GRID2: variants seen among roughly 807,000 people sequenced by gnomAD.
GRID2 encodes the protein glutamate receptor ionotropic, delta-2.
A neutral mutation model predicts 114.8 loss-of-function variants in GRID2; 33 were observed. That is an observed-to-expected ratio of 0.29 (90% CI 0.22 to 0.38). The LOEUF is 0.38. Ranked by LOEUF, GRID2 falls within the 10% of genes least tolerant of loss-of-function variation. GRID2 has a pLI of 1.00. For synonymous variants in GRID2, 505 were observed against 449.9 expected, an observed-to-expected ratio of 1.12 and a Z score of -1.55; for missense variants, 1,184 against 1,257.7, an observed-to-expected ratio of 0.94 and a Z score of 0.89.
intron 1 of GRID2, among the ~76,000 whole-genome samples, chr4:92,490,141 T>C (rs1723083517): frequency 6.6e-6 from 1 of 152,164 alleles, no homozygotes; most frequent in African/African-American, 2.4e-5. Flanking sequence ...TTTATAGTAA[T>C]AGATGATATC....
At chr4:93,002,328 A>G (rs1306362160) in intron 2 of GRID2, among the ~76,000 whole-genome samples, 1 of 151,934 alleles carries the variant, frequency 6.6e-6, no homozygotes, top group Admixed American at 6.6e-5. Flanking sequence ...AAAATTAACC[A>G]TGATGTTCTA....
At chr4:93,673,328 A>G (rs1384568525) in intron 14 of GRID2, among the ~76,000 whole-genome samples, 1 of 152,190 alleles carries the variant, frequency 6.6e-6, no homozygotes, top group Non-Finnish European at 1.5e-5. Flanking sequence ...TGTTTTAAAA[A>G]AATTATTTTA....
intron 11 of GRID2, among the ~76,000 whole-genome samples, chr4:93,457,015 TC>T (rs905024577): frequency 6.6e-6 from 1 of 152,168 alleles, no homozygotes; most frequent in African/African-American, 2.4e-5. Context: ...AATAATTAAT[TC>T]AGTAAATATT....
intron 1 of GRID2, among the ~76,000 whole-genome samples, chr4:92,318,195 T>C (rs180791864): frequency 1.4e-4 from 21 of 151,480 alleles, no homozygotes; most frequent in African/African-American, 4.6e-4. Flanking sequence ...AAAGGGAAGG[T>C]GATGTGATGG....
chr4:92,961,465 A>ATGATATTT (rs1752805509), intron 2 of GRID2, among the ~76,000 whole-genome samples: 2 of 150,952 alleles, frequency 1.3e-5, no homozygotes, highest in Admixed American at 1.3e-4. Context: ...TTTTAGGTTG[A>ATGATATTT]TGATATTTTC....
intron 2 of GRID2, among the ~76,000 whole-genome samples, chr4:92,923,032 G>A (rs1043258228): frequency 6.6e-6 from 1 of 151,996 alleles, no homozygotes; most frequent in African/African-American, 2.4e-5. Context: ...GTTCTTTTTT[G>A]CATGTGCATT....
chr4:92,955,700 G>T (rs1402752456), intron 2 of GRID2, among the ~76,000 whole-genome samples: 1 of 152,124 alleles, frequency 6.6e-6, no homozygotes, highest in Non-Finnish European at 1.5e-5. Flanking sequence ...CCATGCCTAT[G>T]TCCTGAATGG....
chr4:92,508,661 G>A (rs1469622438), intron 1 of GRID2, among the ~76,000 whole-genome samples: 1 of 151,920 alleles, frequency 6.6e-6, no homozygotes, highest in Non-Finnish European at 1.5e-5. Flanking sequence ...GAAGAGGAAA[G>A]AAAAGTTCTA....
At chr4:93,386,725 T>A (rs1352192568) in intron 8 of GRID2, among the ~76,000 whole-genome samples, 1 of 152,020 alleles carries the variant, frequency 6.6e-6, no homozygotes, top group African/African-American at 2.4e-5. Context: ...TTTATGGACC[T>A]AAGGGCAGGA....
chr4:92,339,057 A>G (rs1727339098), intron 1 of GRID2, among the ~76,000 whole-genome samples: 1 of 152,098 alleles, frequency 6.6e-6, no homozygotes, highest in Admixed American at 6.6e-5. Context: ...ACATTATTGG[A>G]GATTTATACC....
intron 14 of GRID2, among the ~76,000 whole-genome samples, chr4:93,652,768 T>A (rs1722686829): frequency 1.1e-5 from 1 of 89,392 alleles, no homozygotes; most frequent in African/African-American, 4.3e-5. Flanking sequence ...TGAATGACAG[T>A]AAATGCAGTA....
intron 2 of GRID2, among the ~76,000 whole-genome samples, chr4:92,750,857 A>T (rs1737419529): frequency 6.6e-6 from 1 of 152,202 alleles, no homozygotes; most frequent in African/African-American, 2.4e-5. Context: ...ATACATACAT[A>T]TTTATTGGTA....
intron 2 of GRID2, among the ~76,000 whole-genome samples, chr4:92,780,933 C>T (rs1299573686): frequency 7.9e-5 from 12 of 151,970 alleles, no homozygotes; most frequent in South Asian, 2.1e-4. Flanking sequence ...GGTTTTTGAT[C>T]GTTTTCTTTT....
intron 13 of GRID2, among the ~76,000 whole-genome samples, chr4:93,539,033 C>T (rs1732391599): frequency 1.3e-5 from 2 of 151,784 alleles, no homozygotes; most frequent in African/African-American, 4.8e-5. Context: ...TATAAGAGAA[C>T]TCTGTGTTAC....
rs573262840 is a variant in GRID2, at chr4:93,107,328, A to C, written c.530-3420A>C. On this transcript the variant is annotated intron_variant, in intron 3 of 15. Coordinates refer to ENST00000282020, the MANE Select transcript of GRID2 (RefSeq NM_001510.4). ...ATAAATATAAACAAATAAATTCTTC[A>C]TTTACAGTTGAGGAGAAATTTTCAA... Among the ~76,000 whole-genome samples the C allele has an allele frequency of 2.0e-3, 297 of 152,088 alleles. 1 individual carries two copies. The highest frequency in any genetic ancestry group is 3.1e-3 in the Non-Finnish European group (211 of 67,950).
intron 1 of GRID2, among the ~76,000 whole-genome samples, chr4:92,316,008 A>G (rs1003497042): frequency 4.6e-5 from 7 of 150,748 alleles, no homozygotes; most frequent in South Asian, 2.1e-4. Flanking sequence ...AAAAAAAAAA[A>G]AAAAAAGAAA....
chr4:93,524,787 A>ATG (rs1259099740), intron 13 of GRID2, among the ~76,000 whole-genome samples: 3 of 77,706 alleles, frequency 3.9e-5, no homozygotes, highest in African/African-American at 8.8e-5. Flanking sequence ...ATGTATGTGT[A>ATG]TATATATATA....
chr4:93,239,182 A>G (rs1223136871), intron 8 of GRID2, among the ~76,000 whole-genome samples: 1 of 147,624 alleles, frequency 6.8e-6, no homozygotes, highest in South Asian at 2.1e-4. Context: ...ATATATATAT[A>G]TATAGCAAAT....
intron 2 of GRID2, among the ~76,000 whole-genome samples, chr4:93,047,013 A>G (rs34686894): frequency 0.35 from 53,636 of 151,598 alleles, 9,765 homozygotes; most frequent in Admixed American, 0.49. Flanking sequence ...TGGACACTTA[A>G]TATGATAATG....
Sources: allele counts gnomAD v4.1 joint callset (sites outside exome capture counted in the v4.1 genomes callset), GRCh38; gene constraint gnomAD v4.1.1; transcripts MANE v1.5; gene names NCBI Gene and HGNC (gene_info 2026-07-23, HGNC 2026-07-21).